CNTN2: variants seen among roughly 807,000 people sequenced by gnomAD.
CNTN2 encodes the protein contactin 2.
In CNTN2, 53 loss-of-function variants were observed where a neutral mutation model predicts 117.5. That is an observed-to-expected ratio of 0.45 (90% CI 0.36 to 0.57). The LOEUF is 0.57. CNTN2 is among the 20% of genes least tolerant of loss of function. CNTN2 has a pLI of 0.00. For synonymous variants in CNTN2, 530 were observed against 561.7 expected (o/e 0.94, Z 0.80); for missense variants, 1,106 against 1,404.3 (o/e 0.79, Z 3.39).
Position 205,064,522 on chromosome 1 carries a change from A to G in CNTN2, c.1391+50A>G, listed in dbSNP as rs11804498. The G allele has an allele frequency of 6.1e-3, 9,738 of 1,593,718 alleles. 375 individuals carry two copies. In the African/African-American group the frequency reaches 0.092, roughly 15 times the overall value. ...CAGTTCCTGCTCCTCCTCATTCTCC[A>G]TGGAGGCCAATTCCCCTCCTGTGAC... On this transcript the variant is annotated intron_variant, in intron 11 of 22. Coordinates refer to ENST00000331830, the MANE Select transcript of CNTN2 (RefSeq NM_005076.5).
rs1385420122 is a variant in CNTN2 at position 205,073,694 on chromosome 1, GCAC to G, written c.3056_3058del (p.Pro1019del). 3.1e-6 allele frequency: 5 copies of G among 1,613,940 alleles called. No individual in the cohort carries two copies. In the African/African-American group the frequency reaches 6.7e-5, roughly 22 times the overall value. ...GGTGGAGAACATGGCAGTCCGCCCA[GCAC>G]CACACCCTGGCACCGTCATTTCCCA... On this transcript the variant is annotated inframe_deletion, in exon 23 of 23. Coordinates refer to ENST00000331830, the MANE Select transcript of CNTN2 (RefSeq NM_005076.5). This position sits in a 1 kb window ranked among gnomAD's most constrained non-coding sequence, Gnocchi z 6.3.
chr1:205,043,048 G>A (rs1292134423), upstream of CNTN2: 2 of 143,560 alleles, frequency 1.4e-5, no homozygotes, highest in Non-Finnish European at 3.1e-5. Context: ...ATGAGGTAAA[G>A]CCAGGAGGGT....
At chr1:205,051,644 C>G (rs769170211) in intron 1 of CNTN2, among the ~76,000 whole-genome samples, 37 of 152,174 alleles carry the variant, frequency 2.4e-4, no homozygotes, top group Admixed American at 1.3e-4. Flanking sequence ...AAACACCCAG[C>G]TTCTCGGCTT....
chr1:205,059,570 C>T lies in CNTN2; in HGVS notation c.698-13C>T, dbSNP rs201293184. 5 of 1,613,244 alleles carry T rather than the reference C, an allele frequency of 3.1e-6. No homozygotes were observed. In the African/African-American group the frequency reaches 6.7e-5, roughly 22 times the overall value. Reference sequence around the variant, plus strand: ...GTCATCTGCATCTGATTTGTAAAACCCTCTCTCCCCAGATACCCGGCTCTT... The same window carrying T: ...GTCATCTGCATCTGATTTGTAAAACTCTCTCTCCCCAGATACCCGGCTCTT... On this transcript the variant is annotated splice_polypyrimidine_tract_variant and intron_variant, in intron 6 of 22. Coordinates refer to ENST00000331830, the MANE Select transcript of CNTN2 (RefSeq NM_005076.5). The surrounding 1 kb of genome is among the most constrained non-coding windows in gnomAD (Gnocchi z 5.6).
At chr1:205,044,461 G>GC in intron 1 of CNTN2, among the ~76,000 whole-genome samples, 1 of 151,574 alleles carries the variant, frequency 6.6e-6, no homozygotes, top group African/African-American at 2.4e-5. Flanking sequence ...TGTGTCCTGG[G>GC]GGGGGGGGTC....
At chr1:205,056,387 G>A (rs1296608645) in intron 2 of CNTN2, among the ~76,000 whole-genome samples, 4 of 152,294 alleles carry the variant, frequency 2.6e-5, no homozygotes, top group East Asian at 1.9e-4. Context: ...TGCCGTCACC[G>A]CCCGCCGCCT....
intron 1 of CNTN2, among the ~76,000 whole-genome samples, 184 bp downstream of exon 1, chr1:205,043,578 G>T (rs1218254763): frequency 2.0e-5 from 3 of 152,126 alleles, no homozygotes; most frequent in Non-Finnish European, 4.4e-5. Context: ...GGGTGCTGGG[G>T]CTCCCCTCCG....
At chr1:205,056,753 G>T (rs1653654407) in intron 2 of CNTN2, among the ~76,000 whole-genome samples, 1 of 152,168 alleles carries the variant, frequency 6.6e-6, no homozygotes, top group African/African-American at 2.4e-5. Flanking sequence ...CCACCAGTCA[G>T]CAGAGAGCCC....
At chr1:205,054,670 G>C (rs1479383880) in intron 2 of CNTN2, among the ~76,000 whole-genome samples, 2 of 152,226 alleles carry the variant, frequency 1.3e-5, no homozygotes, top group African/African-American at 4.8e-5. Flanking sequence ...GATCTGGTCT[G>C]CCACCTCCCA....
At chr1:205,043,899 A>C (rs1211265802) in intron 1 of CNTN2, among the ~76,000 whole-genome samples, 2 of 152,032 alleles carry the variant, frequency 1.3e-5, no homozygotes, top group Non-Finnish European at 2.9e-5. Flanking sequence ...CTTCAGCTGG[A>C]TGGAGAGGGG....
chr1:205,061,482 C>T lies in CNTN2; in HGVS notation c.973+62C>T, dbSNP rs1031655552. Reference sequence around the variant, plus strand: ...CCCCCCTTCCCGCCTTCACCCTTGTCCCCAAGGAAACAGACCCAAAAGTCA... The same window carrying T: ...CCCCCCTTCCCGCCTTCACCCTTGTTCCCAAGGAAACAGACCCAAAAGTCA... On this transcript the variant is annotated intron_variant, in intron 8 of 22. Coordinates refer to ENST00000331830, the MANE Select transcript of CNTN2 (RefSeq NM_005076.5). This position sits in a 1 kb window ranked among gnomAD's most constrained non-coding sequence, Gnocchi z 4.8. 4.6e-5 allele frequency: 68 copies of T among 1,485,088 alleles called. No individual in the cohort carries two copies. In the African/African-American group the frequency reaches 8.2e-4, roughly 18 times the overall value. 92.0% of individuals were successfully genotyped at this position (1,485,088 alleles called of 1,614,324 possible). A position where few individuals can be genotyped will look rare whatever the true frequency, so the allele number is the denominator to read the frequency against.
chr1:205,065,239 G>A lies in CNTN2; in HGVS notation c.1672G>A (p.Gly558Arg). Residue 558 changes from glycine to arginine, a missense_variant, in exon 13 of 23, where the codon GGG (glycine) becomes AGG (arginine). Transcript: ENST00000331830. The surrounding 1 kb of genome is among the most constrained non-coding windows in gnomAD (Gnocchi z 4.1). ...DFPIDFDKPG[G>R]HYRRTNVKET... Reference sequence around the variant, plus strand: ...CCCCATCGACTTTGATAAGCCTGGAGGGCACTACCGGAGAACTAATGTGGT... The same window carrying A: ...CCCCATCGACTTTGATAAGCCTGGAAGGCACTACCGGAGAACTAATGTGGT... 6.2e-7 allele frequency: 1 copy of A among 1,614,148 alleles called. No individual in the cohort carries two copies. Among genetic ancestry groups the A allele is most frequent in the Non-Finnish European group, 8.5e-7 (1 of 1,180,022 alleles).
intron 1 of CNTN2, among the ~76,000 whole-genome samples, chr1:205,044,613 G>C (rs887257799): frequency 2.0e-5 from 3 of 152,162 alleles, no homozygotes; most frequent in Non-Finnish European, 4.4e-5. Flanking sequence ...GTGATGTTCT[G>C]GTCTCGTCTG....
At position 205,073,655 on chromosome 1, in the gene CNTN2, G is replaced by T; in HGVS notation, c.3014-1G>T. On this transcript the variant is annotated splice_acceptor_variant, in intron 22 of 22. Coordinates refer to ENST00000331830, the MANE Select transcript of CNTN2 (RefSeq NM_005076.5). LOFTEE classifies it high-confidence loss of function. The surrounding 1 kb of genome is among the most constrained non-coding windows in gnomAD (Gnocchi z 6.3). Reference sequence around the variant, plus strand: ...GCTGACTCAGCTTGTGCTGGTTTCAGGCACAAGCATGATGGTGGAGAACAT... The same window carrying T: ...GCTGACTCAGCTTGTGCTGGTTTCATGCACAAGCATGATGGTGGAGAACAT... 1 of 1,612,946 alleles carries T rather than the reference G, an allele frequency of 6.2e-7. No homozygotes were observed.
intron 1 of CNTN2, among the ~76,000 whole-genome samples, chr1:205,049,739 G>C (rs751161837): frequency 1.3e-5 from 2 of 152,252 alleles, no homozygotes; most frequent in Non-Finnish European, 2.9e-5. Flanking sequence ...CCTTCTCTGT[G>C]CCAGGCATCA....
rs1218416804 is a variant in CNTN2 at position 205,074,966 on chromosome 1, TA to T, written c.*1202del. 5.0e-6 allele frequency: 2 copies of T among 398,306 alleles called. No individual in the cohort carries two copies. The highest frequency in any genetic ancestry group is 8.8e-6 in the Non-Finnish European group (2 of 226,070). The allele number at this position is 398,306 out of a possible 1,614,324, so 24.7% of individuals were successfully genotyped here. A position where few individuals can be genotyped will look rare whatever the true frequency, so the allele number is the denominator to read the frequency against. On this transcript the variant is annotated 3_prime_UTR_variant, in exon 23 of 23. Coordinates refer to ENST00000331830, the MANE Select transcript of CNTN2 (RefSeq NM_005076.5). ...GGGCCATCCTTTCCTGAGCTCTGGGTATACTACCAGTCACAGAACGTCAGAG... is the reference window on the plus strand; with the variant it reads ...GGGCCATCCTTTCCTGAGCTCTGGGTTACTACCAGTCACAGAACGTCAGAG...
chr1:205,046,754 G>A (rs182955372), intron 1 of CNTN2, among the ~76,000 whole-genome samples: 4 of 152,196 alleles, frequency 2.6e-5, no homozygotes, highest in Admixed American at 1.3e-4. Context: ...TTGTTCTTAC[G>A]CCTGGCATCT....
In CNTN2 at chr1:205,062,470, C is replaced by T. The variant is rs558556897; in HGVS notation, c.1141C>T (p.Arg381Trp). The change falls in exon 10 of 23, where the codon CGG becomes TGG. Residue 381 changes from arginine (R) to tryptophan (W), a missense_variant. Coordinates refer to ENST00000331830, the MANE Select transcript of CNTN2 (RefSeq NM_005076.5). ...NRVEVLAGDL[R>W]FSKLSLEDSG... The stretch of plus-strand genomic sequence containing the variant: ...GGTGGAGGTGTTGGCTGGGGACCTG[C>T]GGTTCTCCAAGCTGAGCCTGGAAGA... 23 of 1,613,952 alleles carry T rather than the reference C, an allele frequency of 1.4e-5. No homozygotes were observed. Among genetic ancestry groups the T allele is most frequent in the African/African-American group, 4.0e-5 (3 of 75,042 alleles).
chr1:205,059,707 C>A lies in CNTN2; in HGVS notation c.797+25C>A. The A allele has an allele frequency of 5.6e-6, 9 of 1,601,900 alleles. No homozygotes were observed. Among genetic ancestry groups the A allele is most frequent in the Non-Finnish European group, 6.8e-6 (8 of 1,169,048 alleles). ...AGTGAGTGTGAAGAGGGAGGGGAAG[C>A]AGAGCACGGTCTCTCGGGGGCACAG... On this transcript the variant is annotated intron_variant, in intron 7 of 22. Coordinates refer to ENST00000331830, the MANE Select transcript of CNTN2 (RefSeq NM_005076.5). The surrounding 1 kb of genome is among the most constrained non-coding windows in gnomAD (Gnocchi z 5.6).
Sources: allele counts gnomAD v4.1 joint callset (sites outside exome capture counted in the v4.1 genomes callset), GRCh38; gene constraint gnomAD v4.1.1; non-coding constraint Gnocchi (gnomAD v3.1); transcripts MANE v1.5; gene names NCBI Gene and HGNC (gene_info 2026-07-23, HGNC 2026-07-21).